Variants in ITIH3 observed in about 807,000 individuals in gnomAD.
The protein encoded by ITIH3 is inter-alpha-trypsin inhibitor heavy chain H3.
ITIH3 carries 81 observed loss-of-function variants against 96.5 expected under a neutral mutation model. That is an observed-to-expected ratio of 0.84 (90% confidence interval 0.70 to 1.01). ITIH3 has a LOEUF of 1.01. ITIH3 is among the 50% of genes least tolerant of loss of function. ITIH3 has a pLI of 0.00. For synonymous variants in ITIH3, 422 were observed against 445.2 expected, an observed-to-expected ratio of 0.95 and a Z score of 0.66; for missense variants, 1,057 against 1,139.3, an observed-to-expected ratio of 0.93 and a Z score of 1.04.
chr3:52,805,407 G>A, intron 15 of ITIH3: 1 of 1,049,900 alleles, frequency 9.5e-7, no homozygotes, highest in Admixed American at 4.9e-5. Flanking sequence ...GCATATGTGT[G>A]CGCCTGTGTG....
Position 52,803,824 on chromosome 3 carries a change from G to A in ITIH3, c.1710-31G>A, listed in dbSNP as rs760368792. The stretch of plus-strand genomic sequence containing the variant: ...GAAGTGGGCAGGGTGCTGCTCTCCA[G>A]GCTGTCCTCCTGACTGGCCCCTCCT... On this transcript the variant is annotated intron_variant, in intron 13 of 21. Transcript: ENST00000449956. 5.0e-6 allele frequency: 8 copies of A among 1,612,320 alleles called. No homozygotes were observed. In the Admixed American group the frequency reaches 1.2e-4, roughly 24 times the overall value.
At chr3:52,803,793 G>T in intron 13 of ITIH3, 62 bp from the exon 14 acceptor site, 3 of 1,583,122 alleles carry the variant, frequency 1.9e-6, no homozygotes, top group Non-Finnish European at 2.6e-6. Context: ...CTGCTCCAGT[G>T]CAGGGGAAGT....
At chr3:52,796,368 C>T (rs1031500130) in intron 2 of ITIH3, 113 bp from the exon 3 acceptor site, 8 of 843,418 alleles carry the variant, frequency 9.5e-6, no homozygotes, top group African/African-American at 3.4e-5. Context: ...ATGAGGGTTG[C>T]GTGCCGGGCA....
Position 52,796,469 on chromosome 3 carries a change from A to T in ITIH3, c.115-12A>T. ...TCCCAGTCTGGCTGATTCTCCACCC[A>T]CCTCCCCAAAGGTGGCCAATGGCAT... On this transcript the variant is annotated splice_polypyrimidine_tract_variant and intron_variant, in intron 2 of 21. Coordinates refer to ENST00000449956, the MANE Select transcript of ITIH3 (RefSeq NM_002217.4). 1 of 1,607,646 alleles carries T rather than the reference A, an allele frequency of 6.2e-7. No homozygotes were observed. Among genetic ancestry groups the T allele is most frequent in the Non-Finnish European group, 8.5e-7 (1 of 1,176,670 alleles).
Position 52,795,601 on chromosome 3 carries a change from A to G in ITIH3, c.94-2A>G. 6.2e-7 allele frequency: 1 copy of G among 1,611,856 alleles called. No individual in the cohort carries two copies. Among genetic ancestry groups the G allele is most frequent in the Non-Finnish European group, 8.5e-7 (1 of 1,179,010 alleles). On this transcript the variant is annotated splice_acceptor_variant, in intron 1 of 21. Transcript: ENST00000449956. LOFTEE classifies it high-confidence loss of function. Reference sequence around the variant, plus strand: ...TGTTTGTGTTTGTTTTTGTTTTTTCAGAAACGGAGCCTCCCGGAAGGGGTA... The same window carrying G: ...TGTTTGTGTTTGTTTTTGTTTTTTCGGAAACGGAGCCTCCCGGAAGGGGTA...
chr3:52,807,635 G>T, intron 19 of ITIH3, 112 bp from the exon 20 acceptor site: 1 of 950,218 alleles, frequency 1.1e-6, no homozygotes. Context: ...TCTGGAGTCT[G>T]TGGGCCCTCG....
chr3:52,800,859 G>A, intron 10 of ITIH3, 106 bp from the exon 11 acceptor site: 3 of 1,520,436 alleles, frequency 2.0e-6, no homozygotes, highest in South Asian at 1.2e-5. Flanking sequence ...TCATGGTCGT[G>A]ACTCCAGCAA....
At chr3:52,795,535 C>A in intron 1 of ITIH3, 68 bp from the exon 2 acceptor site, 1 of 1,544,926 alleles carries the variant, frequency 6.5e-7, no homozygotes, top group East Asian at 2.4e-5. Flanking sequence ...CAGAGCCTCC[C>A]AGGCCATGCG....
At chr3:52,804,274 GA>G in intron 14 of ITIH3, 2 of 517,724 alleles carry the variant, frequency 3.9e-6, no homozygotes, top group Non-Finnish European at 6.9e-6. Context: ...GCATTTCAAG[GA>G]AAAGGACTGA....
chr3:52,805,773 T>TGG, intron 15 of ITIH3, 35 bp from the exon 16 acceptor site: 2 of 1,613,514 alleles, frequency 1.2e-6, no homozygotes, highest in Admixed American at 3.3e-5. Flanking sequence ...AAGGAACCCC[T>TGG]AGACCCTGCT....
At chr3:52,797,299 C>T (rs374663970) in intron 5 of ITIH3, 32 bp downstream of exon 5, 166 of 1,576,332 alleles carry the variant, frequency 1.1e-4, no homozygotes, top group African/African-American at 2.2e-4. Context: ...CCTGGGGGGA[C>T]GGCAGCGGGG....
chr3:52,799,516 G>A (rs1559471148), intron 8 of ITIH3, 28 bp downstream of exon 8: 1 of 1,525,828 alleles, frequency 6.6e-7, no homozygotes, highest in South Asian at 1.2e-5. Flanking sequence ...CACAGCCAGG[G>A]CTCGGGGTAG....
rs753823694 is a variant in ITIH3, at chr3:52,799,363, A to G, written c.790-9A>G. 2.0e-5 allele frequency: 32 copies of G among 1,578,300 alleles called. No individual in the cohort carries two copies. The highest frequency in any genetic ancestry group is 2.8e-5 in the Non-Finnish European group (32 of 1,160,626). On this transcript the variant is annotated splice_polypyrimidine_tract_variant and intron_variant, in intron 7 of 21. Transcript: ENST00000449956. ...GACACCGGCCTCCGTCCCTCTCCCC[A>G]CTTTCCAGATAGTCAATGGCTACTT...
At chr3:52,798,763 A>G (rs559323307) in intron 6 of ITIH3, 1 of 600,874 alleles carries the variant, frequency 1.7e-6, no homozygotes, top group Non-Finnish European at 2.9e-6. Context: ...CGTGGTAAAC[A>G]GTGCCTTCCA....
rs751502116 is a variant in ITIH3 at position 52,800,924 on chromosome 3, C to G, written c.1202-41C>G. On this transcript the variant is annotated intron_variant, in intron 10 of 21. Transcript: ENST00000449956. ...AGACAGAGCTGGTCTAGACCATCCCCAGGGCTGGGGCTGGACTGTGAACAC... is the reference window on the plus strand; with the variant it reads ...AGACAGAGCTGGTCTAGACCATCCCGAGGGCTGGGGCTGGACTGTGAACAC... 8.7e-6 allele frequency: 14 copies of G among 1,612,166 alleles called. No homozygotes were observed. In the African/African-American group the frequency reaches 1.9e-4, roughly 22 times the overall value.
chr3:52,800,004 C>T (rs2154109662), intron 9 of ITIH3, 83 bp downstream of exon 9: 1 of 1,337,948 alleles, frequency 7.5e-7, no homozygotes, highest in East Asian at 2.3e-5. Flanking sequence ...CTCTTAGGGA[C>T]TCTGCTGGTC....
rs568205084 is a variant in ITIH3 at position 52,798,815 on chromosome 3, G to A, written c.664-151G>A. On this transcript the variant is annotated intron_variant, in intron 6 of 21. Coordinates refer to ENST00000449956, the MANE Select transcript of ITIH3 (RefSeq NM_002217.4). ...GCAGAGCACGCCACCGGCGGGCAGGGCTGCCCAGGCCTCCAGCTCTTGCTA... is the reference window on the plus strand; with the variant it reads ...GCAGAGCACGCCACCGGCGGGCAGGACTGCCCAGGCCTCCAGCTCTTGCTA... 7 of 898,072 alleles carry A rather than the reference G, an allele frequency of 7.8e-6. No individual in the cohort carries two copies. The East Asian group carries it at 1.6e-4, about 20-fold the overall frequency. 55.6% of individuals were successfully genotyped at this position (898,072 alleles called of 1,614,324 possible).
At chr3:52,797,493 A>G (rs1242107488) in intron 5 of ITIH3, among the ~76,000 whole-genome samples, 1 of 152,240 alleles carries the variant, frequency 6.6e-6, no homozygotes, top group Non-Finnish European at 1.5e-5. Context: ...CTGGGCCCTC[A>G]AGAGCAACAC....
In ITIH3 at chr3:52,799,762, G is replaced by T; in HGVS notation, c.916G>T (p.Ala306Ser). ...TTTGTCTCTCCTCCAGACAAAGGAG[G>T]CCCTTCTCAGAATCCTGGAAGATAT... ...AGRKLEQTKE[A>S]LLRILEDMQE... The change falls in exon 9 of 22, where the codon GCC becomes TCC. Residue 306 changes from alanine to serine, a missense_variant. Coordinates refer to ENST00000449956, the MANE Select transcript of ITIH3 (RefSeq NM_002217.4). 1 of 1,611,868 alleles carries T rather than the reference G, an allele frequency of 6.2e-7. No individual in the cohort carries two copies. Among genetic ancestry groups the T allele is most frequent in the South Asian group, 1.1e-5 (1 of 90,682 alleles).
Sources: allele counts gnomAD v4.1 joint callset (sites outside exome capture counted in the v4.1 genomes callset), GRCh38; gene constraint gnomAD v4.1.1; transcripts MANE v1.5; gene names NCBI Gene and HGNC (gene_info 2026-07-23, HGNC 2026-07-21).